SLC35F1: variants seen among roughly 807,000 people sequenced by gnomAD.
The protein encoded by SLC35F1 is chromosome 6 open reading frame 169.
A neutral mutation model predicts 48.7 loss-of-function variants in SLC35F1; 14 were observed. The observed-to-expected ratio is 0.29, with a 90% confidence interval of 0.19 to 0.45. SLC35F1 has a LOEUF of 0.45. Among genes scored for constraint, SLC35F1 ranks in the 20% least tolerant of loss-of-function variants. The pLI, the probability that SLC35F1 is intolerant of heterozygous loss-of-function variation, is 1.00. For synonymous variants in SLC35F1, 190 were observed against 202.2 expected (o/e 0.94, Z 0.51); for missense variants, 404 against 500.0 (o/e 0.81, Z 1.83).
chr6:118,040,880 C>G (rs1480850785), intron 1 of SLC35F1, among the ~76,000 whole-genome samples: 1 of 147,300 alleles, frequency 6.8e-6, no homozygotes, highest in East Asian at 2.0e-4. Flanking sequence ...ACTTTAGACA[C>G]AATTGTATAA....
chr6:118,067,862 G>T (rs1772639929), intron 1 of SLC35F1, among the ~76,000 whole-genome samples: 2 of 152,030 alleles, frequency 1.3e-5, no homozygotes, highest in African/African-American at 2.4e-5. Context: ...AGTAGACCTG[G>T]GTGGGAGTCA....
intron 1 of SLC35F1, among the ~76,000 whole-genome samples, chr6:118,076,940 T>C (rs1489774769): frequency 6.6e-6 from 1 of 152,228 alleles, no homozygotes; most frequent in African/African-American, 2.4e-5. Context: ...TTGCCTATTT[T>C]TGTGCAACCG....
At chr6:117,994,159 C>T (rs912237227) in intron 1 of SLC35F1, among the ~76,000 whole-genome samples, 1 of 151,944 alleles carries the variant, frequency 6.6e-6, no homozygotes, top group African/African-American at 2.4e-5. Context: ...AAGCCAGGAC[C>T]CTCTCTCAGC....
At chr6:118,127,239 C>A (rs1773640354) in intron 1 of SLC35F1, among the ~76,000 whole-genome samples, 1 of 151,920 alleles carries the variant, frequency 6.6e-6, no homozygotes, top group Non-Finnish European at 1.5e-5. Context: ...TTGAGATAAT[C>A]ATGTGGTTTT....
At chr6:118,208,123 T>TCACACA (rs60151250) in intron 2 of SLC35F1, among the ~76,000 whole-genome samples, 2 of 150,512 alleles carry the variant, frequency 1.3e-5, no homozygotes, top group Non-Finnish European at 1.5e-5. Context: ...GCGCGCGCGA[T>TCACACA]CACACACACA....
intron 3 of SLC35F1, among the ~76,000 whole-genome samples, chr6:118,259,987 G>C (rs911402860): frequency 2.0e-5 from 3 of 152,102 alleles, no homozygotes; most frequent in African/African-American, 7.2e-5. Flanking sequence ...TTCATCAACT[G>C]AGCAATGTGT....
rs967944006 is a variant in SLC35F1, at chr6:118,316,260, A to G, written c.*2008A>G. 3.3e-5 allele frequency: 5 copies of G among 152,426 alleles called. No homozygotes were observed. Among genetic ancestry groups the G allele is most frequent in the African/African-American group, 1.2e-4 (5 of 41,446 alleles). 9.4% of individuals were successfully genotyped at this position (152,426 alleles called of 1,614,324 possible). On this transcript the variant is annotated 3_prime_UTR_variant, in exon 8 of 8. Transcript: ENST00000360388. ...AAAAATTATCTTCTCTGATATTCGG[A>G]TGTAATGGTCATCTCAGTTCAGCCC...
chr6:117,907,685 C>T lies in SLC35F1; in HGVS notation c.-42C>T. The T allele has an allele frequency of 7.7e-7, 1 of 1,297,672 alleles. No homozygotes were observed. Among genetic ancestry groups the T allele is most frequent in the South Asian group, 1.3e-5 (1 of 74,136 alleles). 80.4% of individuals were successfully genotyped at this position (1,297,672 alleles called of 1,614,324 possible). ...GCCCGGAACCGGCACACGATGCACCCGGCTGCGTTCTGATCGCCGCCGCGC... is the reference window on the plus strand; with the variant it reads ...GCCCGGAACCGGCACACGATGCACCTGGCTGCGTTCTGATCGCCGCCGCGC... On this transcript the variant is annotated 5_prime_UTR_variant, in exon 1 of 8. Transcript: ENST00000360388.
chr6:118,314,058 A>G lies in SLC35F1; in HGVS notation c.1033A>G (p.Thr345Ala). 1 of 1,613,960 alleles carries G rather than the reference A, an allele frequency of 6.2e-7. No individual in the cohort carries two copies. Among genetic ancestry groups the G allele is most frequent in the Non-Finnish European group, 8.5e-7 (1 of 1,179,994 alleles). The change falls in exon 8 of 8, where the codon ACC becomes GCC. Residue 345 changes from threonine (T) to alanine (A), a missense_variant. Thr to Ala is a moderately conservative substitution (Grantham distance 58). This residue lies in a region of SLC35F1 where 306 missense variants were observed against 419.1 expected (regional missense o/e 0.73). Coordinates refer to ENST00000360388, the MANE Select transcript of SLC35F1 (RefSeq NM_001029858.4). ...AGGACTTTATCTCCTGTCTTTCTTC[A>G]CCATCCTCATTGGGCTGGTGCTCTA... is the stretch of plus-strand genomic sequence containing the variant. ...FSGLYLLSFF[T>A]ILIGLVLYSS... is the part of the protein sequence containing the mutation.
chr6:118,268,945 C>T (rs1320903322), intron 4 of SLC35F1, among the ~76,000 whole-genome samples: 2 of 152,108 alleles, frequency 1.3e-5, no homozygotes, highest in Non-Finnish European at 2.9e-5. Context: ...CTCAGCTTTC[C>T]GCACACTGTG....
At chr6:117,986,708 T>C (rs1219458388) in intron 1 of SLC35F1, among the ~76,000 whole-genome samples, 1 of 152,218 alleles carries the variant, frequency 6.6e-6, no homozygotes, top group Non-Finnish European at 1.5e-5. Flanking sequence ...CCCTCTATGC[T>C]GGAGAATTTT....
chr6:118,313,698 G>A (rs1014929303), intron 7 of SLC35F1, among the ~76,000 whole-genome samples: 7 of 152,128 alleles, frequency 4.6e-5, no homozygotes, highest in Non-Finnish European at 8.8e-5. Context: ...TTTATTGACT[G>A]ATACTGGAGA....
At chr6:118,070,414 C>G (rs936775243) in intron 1 of SLC35F1, among the ~76,000 whole-genome samples, 1 of 152,036 alleles carries the variant, frequency 6.6e-6, no homozygotes, top group Admixed American at 6.6e-5. Flanking sequence ...CCGAAGTCTG[C>G]TTTAAACAAT....
chr6:118,002,102 T>C (rs1361793722), intron 1 of SLC35F1, among the ~76,000 whole-genome samples: 2 of 148,876 alleles, frequency 1.3e-5, no homozygotes, highest in Non-Finnish European at 3.0e-5. Flanking sequence ...CATTACTGGG[T>C]ATATACCCAA....
chr6:117,999,165 C>T (rs916245005), intron 1 of SLC35F1: 5 of 1,593,810 alleles, frequency 3.1e-6, no homozygotes, highest in Non-Finnish European at 4.3e-6. Context: ...AATGCCAAGG[C>T]CATGAGTGCA....
At chr6:118,158,240 C>A (rs567019944) in intron 2 of SLC35F1, among the ~76,000 whole-genome samples, 2 of 152,270 alleles carry the variant, frequency 1.3e-5, no homozygotes, top group Admixed American at 6.5e-5. Context: ...AATAGGCTGG[C>A]ATTAAGCTAA....
At chr6:118,212,727 A>AAAGGAAAGG (rs1554236810) in intron 2 of SLC35F1, among the ~76,000 whole-genome samples, 2 of 93,646 alleles carry the variant, frequency 2.1e-5, no homozygotes, top group Admixed American at 2.3e-4. Flanking sequence ...GGAAGGAAGG[A>AAAGGAAAGG]AAGGAAGGAA....
At chr6:117,983,423 A>G (rs992141201) in intron 1 of SLC35F1, among the ~76,000 whole-genome samples, 10 of 152,206 alleles carry the variant, frequency 6.6e-5, no homozygotes, top group African/African-American at 2.4e-4. Flanking sequence ...AAAAATACAA[A>G]AAAATTAGTC....
In SLC35F1 at chr6:118,228,597, G is replaced by A. The variant is rs541255857; in HGVS notation, c.350-6912G>A. Among the ~76,000 whole-genome samples the A allele has an allele frequency of 3.5e-4, 54 of 152,212 alleles. 1 individual carries two copies. The highest frequency in any genetic ancestry group is 9.1e-4 in the African/African-American group (38 of 41,532). Reference sequence around the variant, plus strand: ...TAGTCCCAGCTACTTGGGAGGCTGAGGTGGGATGATTGCTTGATCCTGGGA... The same window carrying A: ...TAGTCCCAGCTACTTGGGAGGCTGAAGTGGGATGATTGCTTGATCCTGGGA... On this transcript the variant is annotated intron_variant, in intron 2 of 7. Transcript: ENST00000360388.
Sources: gnomAD v4.1 joint callset for allele counts (sites outside exome capture counted in the v4.1 genomes callset) on GRCh38, gnomAD v4.1.1 for gene constraint, gnomAD v4.1.1 regional missense constraint, MANE v1.5 for transcripts, NCBI Gene and HGNC (gene_info 2026-07-23, HGNC 2026-07-21) for gene names.